TFDP2: variants seen among roughly 807,000 people sequenced by gnomAD.
TFDP2 encodes the protein transcription factor Dp-2 (E2F dimerization partner 2).
A neutral mutation model predicts 59.3 loss-of-function variants in TFDP2; 17 were observed. The observed-to-expected ratio is 0.29, with a 90% CI of 0.20 to 0.43. The LOEUF (loss-of-function observed/expected upper bound fraction) is 0.43. Ranked by LOEUF, TFDP2 falls within the 20% of genes least tolerant of loss-of-function variation. The pLI is 1.00. For synonymous variants in TFDP2, 180 were observed against 194.7 expected (o/e 0.92, Z 0.63); for missense variants, 391 against 528.8 (o/e 0.74, Z 2.56).
At chr3:142,132,783 T>C (rs1358172686) in intron 1 of TFDP2, among the ~76,000 whole-genome samples, 1 of 145,346 alleles carries the variant, frequency 6.9e-6, no homozygotes, top group Non-Finnish European at 1.5e-5. Flanking sequence ...ATGTGAATTG[T>C]ATCTCAATAA....
At chr3:141,979,558 C>A (rs1941211173) in intron 6 of TFDP2, among the ~76,000 whole-genome samples, 1 of 152,076 alleles carries the variant, frequency 6.6e-6, no homozygotes, top group African/African-American at 2.4e-5. Flanking sequence ...TATTGATGAT[C>A]TTGACCCCCC....
intron 3 of TFDP2, among the ~76,000 whole-genome samples, chr3:142,075,624 G>T (rs545668858): frequency 6.6e-6 from 1 of 151,388 alleles, no homozygotes; most frequent in African/African-American, 2.4e-5. Context: ...GGCCACACAT[G>T]GTGTCTCATG....
intron 3 of TFDP2, chr3:142,043,792 T>C: frequency 6.3e-7 from 1 of 1,597,652 alleles, no homozygotes; most frequent in Admixed American, 1.7e-5. Flanking sequence ...CTTGTGGATG[T>C]GCTCCATGAG....
chr3:142,102,517 C>G (rs554362811), intron 1 of TFDP2, among the ~76,000 whole-genome samples: 21 of 152,260 alleles, frequency 1.4e-4, no homozygotes, highest in African/African-American at 5.1e-4. Context: ...AGTAAAACTT[C>G]CATTTTGGAA....
chr3:142,108,217 T>C (rs1054603488), intron 1 of TFDP2, among the ~76,000 whole-genome samples: 3 of 148,500 alleles, frequency 2.0e-5, no homozygotes, highest in Admixed American at 6.7e-5. Context: ...GCCTTTCTCT[T>C]TTTTTTTTTT....
intron 2 of TFDP2, among the ~76,000 whole-genome samples, chr3:142,100,743 G>C (rs1413378529): frequency 6.6e-6 from 1 of 151,768 alleles, no homozygotes; most frequent in African/African-American, 2.4e-5. Context: ...GAAATGCTGA[G>C]TGGGGCCATG....
intron 2 of TFDP2, among the ~76,000 whole-genome samples, chr3:142,095,883 A>G (rs2061146486): frequency 6.6e-6 from 1 of 152,214 alleles, no homozygotes; most frequent in African/African-American, 2.4e-5. Flanking sequence ...TTGATACAAT[A>G]TAACCATTTA....
intron 3 of TFDP2, among the ~76,000 whole-genome samples, chr3:142,086,548 A>G (rs1380341207): frequency 6.6e-6 from 1 of 152,224 alleles, no homozygotes; most frequent in African/African-American, 2.4e-5. Flanking sequence ...CAAAGGACGT[A>G]GATGAACAAG....
intron 1 of TFDP2, among the ~76,000 whole-genome samples, chr3:142,137,134 T>G (rs1430957587): frequency 6.6e-6 from 1 of 150,990 alleles, no homozygotes; most frequent in African/African-American, 2.4e-5. Context: ...GGTATTTTAC[T>G]CTCTTTGTAC....
At chr3:142,129,810 A>G (rs991780838) in intron 1 of TFDP2, among the ~76,000 whole-genome samples, 3 of 152,060 alleles carry the variant, frequency 2.0e-5, no homozygotes, top group African/African-American at 7.2e-5. Flanking sequence ...ATTTAAATTT[A>G]TATTTCCCCA....
intron 8 of TFDP2, 24 bp downstream of exon 8, chr3:141,974,024 T>G: frequency 6.2e-7 from 1 of 1,604,538 alleles, no homozygotes; most frequent in Non-Finnish European, 8.5e-7. Flanking sequence ...AAACAGCTAT[T>G]CATAAACAGA....
chr3:142,042,636 T>TTTC (rs1947054934), intron 3 of TFDP2, among the ~76,000 whole-genome samples: 1 of 145,572 alleles, frequency 6.9e-6, no homozygotes, highest in African/African-American at 2.6e-5. Flanking sequence ...TTTTCTTTTT[T>TTTC]TTTTTTTTTT....
At chr3:142,050,537 C>CT (rs1560088229) in intron 3 of TFDP2, among the ~76,000 whole-genome samples, 1 of 150,830 alleles carries the variant, frequency 6.6e-6, no homozygotes, top group African/African-American at 2.4e-5. Context: ...CTACTAAAAA[C>CT]ACAAAAAAAT....
chr3:141,988,349 T>G (rs1412244482), intron 6 of TFDP2, among the ~76,000 whole-genome samples: 1 of 152,222 alleles, frequency 6.6e-6, no homozygotes, highest in African/African-American at 2.4e-5. Context: ...ATGTGCTTTT[T>G]TCTGTACCAA....
At chr3:142,000,020 C>T (rs1943630398) in intron 4 of TFDP2, among the ~76,000 whole-genome samples, 1 of 152,162 alleles carries the variant, frequency 6.6e-6, no homozygotes, top group Non-Finnish European at 1.5e-5. Context: ...CAGGCGTGAG[C>T]CACCACGCCC....
At chr3:142,062,401 ATG>A (rs539864134) in intron 3 of TFDP2, among the ~76,000 whole-genome samples, 21,573 of 143,866 alleles carry the variant, frequency 0.15, 1,857 homozygotes, top group African/African-American at 0.24. Flanking sequence ...TATAATATAT[ATG>A]TGTGTGTGTG....
At position 142,076,013 on chromosome 3, in the gene TFDP2, C is replaced by T. The variant is rs181675425; in HGVS notation, c.82+17048G>A. 5.6e-4 allele frequency among the ~76,000 whole-genome samples: 84 copies of T among 151,122 alleles called. 2 individuals carry two copies. The East Asian group carries it at 0.016, about 28-fold the overall frequency. On this transcript the variant is annotated intron_variant, in intron 3 of 12. Coordinates refer to ENST00000489671, the MANE Select transcript of TFDP2 (RefSeq NM_001178139.2). ...ATCACCTGAGGTCAGGAGTTTGAGA[C>T]CAGCCTGGCCAACATGGTGAAACCC...
At chr3:142,148,600 T>C (rs2108766596) in intron 1 of TFDP2, among the ~76,000 whole-genome samples, 1 of 152,284 alleles carries the variant, frequency 6.6e-6, no homozygotes, top group African/African-American at 2.4e-5. Flanking sequence ...GGGGCGCTCA[T>C]CCACTTCGTT....
At chr3:141,966,142 G>A (rs1938016399) in intron 9 of TFDP2, among the ~76,000 whole-genome samples, 1 of 151,884 alleles carries the variant, frequency 6.6e-6, no homozygotes, top group African/African-American at 2.4e-5. Context: ...AGTGAAGAGA[G>A]CAGTAAAAAC....
Sources: gnomAD v4.1 joint callset for allele counts (sites outside exome capture counted in the v4.1 genomes callset) on GRCh38, gnomAD v4.1.1 for gene constraint, MANE v1.5 for transcripts, NCBI Gene and HGNC (gene_info 2026-07-23, HGNC 2026-07-21) for gene names.